Variants in PTPRN2 observed in about 807,000 individuals in gnomAD.
PTPRN2 encodes protein tyrosine phosphatase receptor type N2, also known as receptor-type tyrosine-protein phosphatase N2.
In PTPRN2, 74 loss-of-function variants were observed where a neutral mutation model predicts 118.8. The observed-to-expected ratio is 0.62, with a 90% CI of 0.52 to 0.76. The LOEUF is 0.76. PTPRN2 is among the 30% of genes least tolerant of loss of function. The pLI is 0.00. For synonymous variants in PTPRN2, 641 were observed against 608.0 expected, an observed-to-expected ratio of 1.05 and a Z score of -0.80; for missense variants, 1,481 against 1,394.4, an observed-to-expected ratio of 1.06 and a Z score of -0.99.
intron 12 of PTPRN2, among the ~76,000 whole-genome samples, chr7:157,875,468 A>G (rs1231397455): frequency 6.6e-6 from 1 of 152,214 alleles, no homozygotes; most frequent in Non-Finnish European, 1.5e-5. Flanking sequence ...CAATTCAGGC[A>G]CCAATATCAG....
At chr7:158,054,487 C>T (rs181032392) in intron 11 of PTPRN2, among the ~76,000 whole-genome samples, 137 of 152,314 alleles carry the variant, frequency 9.0e-4, no homozygotes, top group African/African-American at 2.0e-3. Flanking sequence ...GTCTGTGAGT[C>T]GAGTCTATGA....
chr7:158,549,170 T>G (rs746953760), intron 1 of PTPRN2, among the ~76,000 whole-genome samples: 9 of 152,196 alleles, frequency 5.9e-5, no homozygotes, highest in African/African-American at 2.2e-4. Context: ...GTGATCAGCA[T>G]TGTCTGCATA....
rs545682082 is a variant in PTPRN2, at chr7:157,778,448, C to T, written c.1789-95511G>A. Among the ~76,000 whole-genome samples, 134 of 151,130 alleles carry T rather than the reference C, an allele frequency of 8.9e-4. 1 individual carries two copies. The highest frequency in any genetic ancestry group is 1.5e-3 in the Non-Finnish European group (101 of 67,908). On this transcript the variant is annotated intron_variant, in intron 12 of 22. Coordinates refer to ENST00000389418, the MANE Select transcript of PTPRN2 (RefSeq NM_002847.5). ...CATCAAATGCCCACGTAAACATGTACACAGGTGAATGAATACAGGTGTTGG... is the reference window on the plus strand; with the variant it reads ...CATCAAATGCCCACGTAAACATGTATACAGGTGAATGAATACAGGTGTTGG...
chr7:158,548,818 C>T (rs1418472146), intron 1 of PTPRN2, among the ~76,000 whole-genome samples: 1 of 152,224 alleles, frequency 6.6e-6, no homozygotes, highest in East Asian at 1.9e-4. Flanking sequence ...CCACCAAAGC[C>T]AGCGCAGGAG....
chr7:158,333,358 T>A (rs1586318566), intron 2 of PTPRN2, among the ~76,000 whole-genome samples: 1 of 143,012 alleles, frequency 7.0e-6, no homozygotes, highest in East Asian at 2.1e-4. Flanking sequence ...CCTGCAGACG[T>A]CACTCACACC....
In PTPRN2 at chr7:157,845,542, C is replaced by A. The variant is rs1043780984; in HGVS notation, c.1788+53131G>T. 6.6e-6 allele frequency among the ~76,000 whole-genome samples: 1 copy of A among 152,172 alleles called. No homozygotes were observed. The highest frequency in any genetic ancestry group is 1.5e-5 in the Non-Finnish European group (1 of 68,032). On this transcript the variant is annotated intron_variant, in intron 12 of 22. Transcript: ENST00000389418. The surrounding 1 kb of genome is among the most constrained non-coding windows in gnomAD (Gnocchi z 4.5). ...TGTTCCCGGCCACATCCCGGTGAAC[C>A]ATGCAGCCTAACTCACCACGTTCCC...
chr7:157,958,597 T>A (rs1801330068), intron 11 of PTPRN2, among the ~76,000 whole-genome samples: 1 of 152,212 alleles, frequency 6.6e-6, no homozygotes, highest in African/African-American at 2.4e-5. Context: ...AGAAATCATT[T>A]GTACTTCTAT....
chr7:158,213,604 C>A (rs1387264821), intron 3 of PTPRN2, among the ~76,000 whole-genome samples: 1 of 152,124 alleles, frequency 6.6e-6, no homozygotes, highest in African/African-American at 2.4e-5. Flanking sequence ...TAATAATAAT[C>A]AAGTCTATCC....
At chr7:157,802,461 C>G (rs79858295) in intron 12 of PTPRN2, among the ~76,000 whole-genome samples, 4,943 of 152,302 alleles carry the variant, frequency 0.032, 301 homozygotes, top group African/African-American at 0.11. Context: ...CTATGCACCA[C>G]GCTTTCCTGC....
chr7:158,123,317 G>A (rs570269298), intron 9 of PTPRN2, among the ~76,000 whole-genome samples: 1 of 152,218 alleles, frequency 6.6e-6, no homozygotes, highest in African/African-American at 2.4e-5. Context: ...ACAGTGGGCT[G>A]GGGAGGTGCC....
At chr7:157,635,957 C>T (rs1804293321) in intron 14 of PTPRN2, among the ~76,000 whole-genome samples, 1 of 152,204 alleles carries the variant, frequency 6.6e-6, no homozygotes, top group South Asian at 2.1e-4. Context: ...ACCCTGCTGT[C>T]AAATGTAGAC....
At chr7:157,792,784 A>G (rs1804599959) in intron 12 of PTPRN2, among the ~76,000 whole-genome samples, 1 of 152,146 alleles carries the variant, frequency 6.6e-6, no homozygotes, top group South Asian at 2.1e-4. Flanking sequence ...GAGGCTTTCC[A>G]GTGACTAGGA....
chr7:158,518,564 G>A (rs757675906), intron 1 of PTPRN2, among the ~76,000 whole-genome samples: 1 of 152,116 alleles, frequency 6.6e-6, no homozygotes, highest in South Asian at 2.1e-4. Flanking sequence ...GATCAACAGA[G>A]GATATAAACA....
Position 157,664,505 on chromosome 7 carries a change from G to A in PTPRN2, c.2002-7954C>T, listed in dbSNP as rs556100702. On this transcript the variant is annotated intron_variant, in intron 13 of 22. Coordinates refer to ENST00000389418, the MANE Select transcript of PTPRN2 (RefSeq NM_002847.5). The stretch of plus-strand genomic sequence containing the variant: ...ACGGTAGTCGGGCGTGGTGGCTCAC[G>A]CCTGTAATCCCAGCACTTTGGGAAG... 1.3e-4 allele frequency among the ~76,000 whole-genome samples: 20 copies of A among 152,328 alleles called. No individual in the cohort carries two copies. In the South Asian group the frequency reaches 2.3e-3, roughly 17 times the overall value.
rs1796678807 is a variant in PTPRN2 at position 157,676,581 on chromosome 7, G to A, written c.2001+6144C>T. On this transcript the variant is annotated intron_variant, in intron 13 of 22. Transcript: ENST00000389418. The surrounding 1 kb of genome is among the most constrained non-coding windows in gnomAD (Gnocchi z 5.6). ...CAGACCCACGGGACAGAAAAGCCCGGGCCAGCCCCTCAACACCCTGCAGTG... is the reference window on the plus strand; with the variant it reads ...CAGACCCACGGGACAGAAAAGCCCGAGCCAGCCCCTCAACACCCTGCAGTG... 6.6e-6 allele frequency among the ~76,000 whole-genome samples: 1 copy of A among 152,224 alleles called. No homozygotes were observed. The highest frequency in any genetic ancestry group is 1.5e-5 in the Non-Finnish European group (1 of 68,034).
intron 11 of PTPRN2, among the ~76,000 whole-genome samples, chr7:158,013,693 A>G: frequency 6.7e-6 from 1 of 148,746 alleles, no homozygotes; most frequent in South Asian, 2.2e-4. Context: ...CCATCCATTC[A>G]CCCACCCACC....
chr7:157,994,546 T>TAAA (rs1250810131), intron 11 of PTPRN2, among the ~76,000 whole-genome samples: 2 of 70,900 alleles, frequency 2.8e-5, no homozygotes, highest in African/African-American at 7.5e-5. Flanking sequence ...TCCTTGTTCC[T>TAAA]AAAATCAGCA....
intron 1 of PTPRN2, among the ~76,000 whole-genome samples, chr7:158,524,663 G>A (rs990353241): frequency 1.3e-5 from 2 of 152,166 alleles, no homozygotes; most frequent in African/African-American, 4.8e-5. Flanking sequence ...GCCTCAGAAG[G>A]TGACTGCGTT....
At position 157,690,737 on chromosome 7, in the gene PTPRN2, G is replaced by A. The variant is rs1466108438; in HGVS notation, c.1789-7800C>T. On this transcript the variant is annotated intron_variant, in intron 12 of 22. Transcript: ENST00000389418. This position sits in a 1 kb window ranked among gnomAD's most constrained non-coding sequence, Gnocchi z 7.1. ...CTGACCACAAACTTCTAGGGCGGCC[G>A]GAGGAGACAAAGGTGCCGCGCGTCG... is the stretch of plus-strand genomic sequence containing the variant. 6.6e-6 allele frequency among the ~76,000 whole-genome samples: 1 copy of A among 151,396 alleles called. No homozygotes were observed. The highest frequency in any genetic ancestry group is 6.6e-5 in the Admixed American group (1 of 15,208).
Sources: allele counts gnomAD v4.1 joint callset (sites outside exome capture counted in the v4.1 genomes callset), GRCh38; gene constraint gnomAD v4.1.1; non-coding constraint Gnocchi (gnomAD v3.1); transcripts MANE v1.5; gene names NCBI Gene and HGNC (gene_info 2026-07-23, HGNC 2026-07-21).